CLPB: variants seen among roughly 807,000 people sequenced by gnomAD.
CLPB encodes mitochondrial disaggregase.
CLPB carries 40 observed loss-of-function variants against 78.4 expected under a neutral mutation model. That is an observed-to-expected ratio of 0.51 (90% CI 0.40 to 0.66). The LOEUF (loss-of-function observed/expected upper bound fraction) is 0.66. CLPB is among the 30% of genes least tolerant of loss of function. CLPB has a pLI of 0.00. For synonymous variants in CLPB, 333 were observed against 348.0 expected, an observed-to-expected ratio of 0.96 and a Z score of 0.48; for missense variants, 780 against 886.9, an observed-to-expected ratio of 0.88 and a Z score of 1.53.
chr11:72,305,841 GTATGAAGACA>G (rs1204572783), intron 9 of CLPB, among the ~76,000 whole-genome samples: 3 of 152,204 alleles, frequency 2.0e-5, no homozygotes, highest in East Asian at 3.8e-4. Context: ...CTTCTACTGT[GTATGAAGACA>G]TATGAAGACA....
intron 5 of CLPB, among the ~76,000 whole-genome samples, chr11:72,341,584 T>C (rs189632636): frequency 9.2e-5 from 14 of 152,226 alleles, no homozygotes; most frequent in African/African-American, 3.4e-4. Context: ...GGGGAAAGGA[T>C]ATTCCAGGCA....
chr11:72,408,075 A>G, intron 2 of CLPB: 1 of 1,467,208 alleles, frequency 6.8e-7, no homozygotes, highest in Non-Finnish European at 9.2e-7. Flanking sequence ...GCACCGAAAT[A>G]TAAAGGAAAG....
chr11:72,376,969 G>A (rs745875074), intron 4 of CLPB, among the ~76,000 whole-genome samples: 20 of 152,100 alleles, frequency 1.3e-4, no homozygotes, highest in Admixed American at 9.8e-4. Context: ...AGTGCCCAGC[G>A]TTTTATAACA....
At chr11:72,319,767 T>C (rs1950012055) in intron 6 of CLPB, among the ~76,000 whole-genome samples, 1 of 152,248 alleles carries the variant, frequency 6.6e-6, no homozygotes, top group African/African-American at 2.4e-5. Context: ...AGAGGTAGTC[T>C]GAGTGACCAA....
intron 2 of CLPB, among the ~76,000 whole-genome samples, chr11:72,418,199 G>A (rs1856079688): frequency 6.6e-6 from 1 of 152,138 alleles, no homozygotes; most frequent in Non-Finnish European, 1.5e-5. Flanking sequence ...ATCAATCAAC[G>A]GGCCAGACTC....
At chr11:72,294,248 G>A (rs879139570) in intron 14 of CLPB, 77 bp downstream of exon 14, 2 of 1,599,352 alleles carry the variant, frequency 1.3e-6, no homozygotes, top group African/African-American at 1.4e-5. Flanking sequence ...TATGTGTGTG[G>A]GGGTGCCCCC....
intron 2 of CLPB, among the ~76,000 whole-genome samples, chr11:72,409,822 AC>A (rs1855822682): frequency 6.6e-6 from 1 of 151,746 alleles, no homozygotes; most frequent in African/African-American, 2.4e-5. Flanking sequence ...TACTAAATAT[AC>A]AAAATTAGCT....
chr11:72,317,198 C>A lies in CLPB; in HGVS notation c.896G>T (p.Arg299Leu). The A allele has an allele frequency of 1.2e-6, 2 of 1,611,408 alleles. No homozygotes were observed. The highest frequency in any genetic ancestry group is 1.7e-6 in the Non-Finnish European group (2 of 1,179,134). The change falls in exon 7 of 16, where the codon CGT becomes CTT. Residue 299 changes from arginine (R) to leucine (L), a missense_variant. By Grantham distance (102) the Arg-to-Leu change is moderately radical. This residue lies in a region of CLPB where 417 missense variants were observed against 414.7 expected (regional missense o/e 1.01). Coordinates refer to ENST00000538039, the MANE Select transcript of CLPB (RefSeq NM_001258392.3). Reference protein sequence around the residue: ...EAKYQEKQRKREAEERRRFPL... With the variant: ...EAKYQEKQRKLEAEERRRFPL... ...GAAGCGGCGCCGCTCCTCAGCCTCA[C>A]GCTTCCGCTGCTTCTCTTGGTACTG...
chr11:72,307,111 A>C, intron 9 of CLPB, 88 bp downstream of exon 9: 1 of 1,204,494 alleles, frequency 8.3e-7, no homozygotes, highest in Non-Finnish European at 1.2e-6. Flanking sequence ...ATTGCCTATT[A>C]CTGAATTCAG....
rs149103973 is a variant in CLPB, at chr11:72,376,832, C to G, written c.646+3449G>C. On this transcript the variant is annotated intron_variant, in intron 4 of 15. Transcript: ENST00000538039. ...GACTACAGGCATGCACCACCACGCC[C>G]TGCTAAGTTTTGTATTTTTAGTAGA... 2.5e-3 allele frequency among the ~76,000 whole-genome samples: 376 copies of G among 152,174 alleles called. 4 individuals carry two copies. The highest frequency in any genetic ancestry group is 8.6e-3 in the African/African-American group (357 of 41,522).
chr11:72,420,407 T>C (rs866832596), intron 2 of CLPB, among the ~76,000 whole-genome samples: 3 of 151,912 alleles, frequency 2.0e-5, no homozygotes, highest in Middle Eastern at 6.8e-3. Context: ...GGCAGGAGAA[T>C]GGCTTGAACC....
At position 72,301,815 on chromosome 11, in the gene CLPB, C is replaced by A; in HGVS notation, c.1317G>T (p.Gln439His). ...AHPDVLTIML[Q>H]LFDEGRLTDG... The stretch of plus-strand genomic sequence containing the variant: ...CAAGGTGACTCACCTCATCAAACAG[C>A]TGCAGCATGATGGTGAGCACATCTG... Residue 439 changes from glutamine to histidine, a missense_variant, in exon 11 of 16, where the codon CAG becomes CAT. Gln to His is a conservative substitution (Grantham distance 24). This residue lies in a region of CLPB where 91 missense variants were observed against 168.2 expected (regional missense o/e 0.54). Coordinates refer to ENST00000538039, the MANE Select transcript of CLPB (RefSeq NM_001258392.3). 1 of 1,614,088 alleles carries A rather than the reference C, an allele frequency of 6.2e-7. No individual in the cohort carries two copies. The highest frequency in any genetic ancestry group is 8.5e-7 in the Non-Finnish European group (1 of 1,179,950).
chr11:72,392,240 A>T (rs1376476649), intron 3 of CLPB, among the ~76,000 whole-genome samples: 1 of 152,010 alleles, frequency 6.6e-6, no homozygotes, highest in African/African-American at 2.4e-5. Context: ...GATGAGTGTC[A>T]CGGGTCCCAA....
Position 72,293,447 on chromosome 11 carries a change from T to A in CLPB, c.1954A>T (p.Ile652Phe), listed in dbSNP as rs1158506607. 6.2e-7 allele frequency: 1 copy of A among 1,614,116 alleles called. No homozygotes were observed. The highest frequency in any genetic ancestry group is 1.7e-5 in the Admixed American group (1 of 60,026). ...CGAGTCTTGCTGTCCTTGTCGATGATCTCCAGACGCAGCTTGGGGAGGCGC... is the reference window on the plus strand; with the variant it reads ...CGAGTCTTGCTGTCCTTGTCGATGAACTCCAGACGCAGCTTGGGGAGGCGC... ...EKRLPKLRLE[I>F]IDKDSKTRRL... is the part of the protein sequence containing the mutation. Residue 652 changes from isoleucine (I) to phenylalanine (F), a missense_variant, in exon 16 of 16, where the codon ATC (isoleucine) becomes TTC (phenylalanine). This residue lies in a region of CLPB where 272 missense variants were observed against 304.0 expected (regional missense o/e 0.89). Coordinates refer to ENST00000538039, the MANE Select transcript of CLPB (RefSeq NM_001258392.3).
rs150857620 is a variant in CLPB at position 72,294,395 on chromosome 11, T to C, written c.1610A>G (p.Tyr537Cys). ...CTCCGAGTGGCAGAAGGGGAGGAAG[T>C]AGACGATCTCATTGATCCGTCCCAG... ...EFLGRINEIVYFLPFCHSELI... is the reference protein window; with the variant it reads ...EFLGRINEIVCFLPFCHSELI... Residue 537 changes from tyrosine to cysteine, a missense_variant, in exon 14 of 16, where the codon TAC (tyrosine) becomes TGC (cysteine). By Grantham distance (194) the Tyr-to-Cys change is radical. Around this residue, in one of 3 missense-constraint regions of CLPB, gnomAD observed 272 missense variants for 304.0 expected, o/e 0.89. Transcript: ENST00000538039. 3.9e-5 allele frequency: 63 copies of C among 1,614,038 alleles called. No homozygotes were observed. Among genetic ancestry groups the C allele is most frequent in the South Asian group, 5.5e-5 (5 of 91,076 alleles).
intron 4 of CLPB, among the ~76,000 whole-genome samples, chr11:72,361,457 TG>T: frequency 6.6e-6 from 1 of 152,308 alleles, no homozygotes; most frequent in Non-Finnish European, 1.5e-5. Context: ...TCATGCTAGG[TG>T]ATCTTATTTC....
intron 2 of CLPB, among the ~76,000 whole-genome samples, chr11:72,405,729 C>T (rs1014320059): frequency 1.3e-5 from 2 of 152,038 alleles, no homozygotes; most frequent in African/African-American, 4.8e-5. Flanking sequence ...GAGATCGAGA[C>T]CATCCTGGCT....
intron 7 of CLPB, among the ~76,000 whole-genome samples, chr11:72,311,506 G>A (rs540934876): frequency 1.2e-4 from 19 of 152,162 alleles, no homozygotes; most frequent in Non-Finnish European, 2.5e-4. Flanking sequence ...CCTGCTTAAG[G>A]TTACAGGGGG....
chr11:72,422,151 A>T (rs1370228866), intron 2 of CLPB, among the ~76,000 whole-genome samples: 3 of 151,826 alleles, frequency 2.0e-5, no homozygotes, highest in Non-Finnish European at 4.4e-5. Flanking sequence ...CCTGTAGTCC[A>T]GCAACTTGGG....
Sources: gnomAD v4.1 joint callset for allele counts (sites outside exome capture counted in the v4.1 genomes callset) on GRCh38, gnomAD v4.1.1 for gene constraint, gnomAD v4.1.1 regional missense constraint, MANE v1.5 for transcripts, NCBI Gene and HGNC (gene_info 2026-07-23, HGNC 2026-07-21) for gene names.